Variants in TAMM41 observed in about 807,000 individuals in gnomAD.
TAMM41 encodes the protein TAM41 mitochondrial translocator assembly and maintenance homolog, also known as phosphatidate cytidylyltransferase, mitochondrial.
TAMM41 carries 36 observed loss-of-function variants against 44.1 expected under a neutral mutation model. The ratio of observed to expected loss-of-function variants is 0.82; its 90% CI spans 0.63 to 1.08. The LOEUF (loss-of-function observed/expected upper bound fraction) is 1.08. Among genes scored for constraint, TAMM41 ranks in the 50% least tolerant of loss-of-function variants. The pLI, the probability that TAMM41 is intolerant of heterozygous loss-of-function variation, is 0.00. For synonymous variants in TAMM41, 164 were observed against 153.1 expected (o/e 1.07, Z -0.53); for missense variants, 417 against 404.3 (o/e 1.03, Z -0.27).
the TAMM41 span, among the ~76,000 whole-genome samples, chr3:11,781,665 G>A: frequency 2.4e-3 from 367 of 151,864 alleles, 3 homozygotes; most frequent in African/African-American, 8.5e-3. Flanking sequence ...AACCTGGGAG[G>A]TGGAGGTTGC....
chr3:11,732,202 C>T, the TAMM41 span, among the ~76,000 whole-genome samples: 8 of 152,050 alleles, frequency 5.3e-5, no homozygotes, highest in South Asian at 1.2e-3. Context: ...TCCATGTCTC[C>T]CTTTCTTCCT....
intron 7 of TAMM41, chr3:11,807,019 T>C: frequency 4.1e-6 from 1 of 245,942 alleles, no homozygotes; most frequent in Non-Finnish European, 6.5e-6. Flanking sequence ...AAAAAGACTT[T>C]CAGACATACG....
chr3:11,785,250 G>C, the TAMM41 span, among the ~76,000 whole-genome samples: 46 of 152,300 alleles, frequency 3.0e-4, no homozygotes, highest in South Asian at 1.7e-3. Context: ...GAAGATAGGA[G>C]GAAGAGAAGT....
In TAMM41 at chr3:11,817,311, C is replaced by G; in HGVS notation, c.589G>C (p.Asp197His). 1 of 1,610,186 alleles carries G rather than the reference C, an allele frequency of 6.2e-7. No individual in the cohort carries two copies. Among genetic ancestry groups the G allele is most frequent in the Non-Finnish European group, 8.5e-7 (1 of 1,176,800 alleles). The stretch of plus-strand genomic sequence containing the variant: ...ACAATATTCAACACTTTTGTTTTAT[C>G]TTCTCCAACCACCATCCGAAAGTCA... ...SGDFRMVVGE[D>H]KTKVLNIVKP... The change falls in exon 5 of 8, where the codon GAT becomes CAT. Residue 197 changes from aspartate (D) to histidine (H), a missense_variant. Physicochemically the swap from Asp to His is moderately conservative, Grantham distance 81. Transcript: ENST00000455809.
the TAMM41 span, among the ~76,000 whole-genome samples, chr3:11,725,454 C>CCTCCTCCTCCTT: frequency 0.25 from 34,174 of 137,382 alleles, 4,900 homozygotes; most frequent in Middle Eastern, 0.35. Flanking sequence ...TCCTCCTCCT[C>CCTCCTCCTCCTT]CTTCTTCTTC....
At chr3:11,753,743 A>T in the TAMM41 span, among the ~76,000 whole-genome samples, 246 of 152,148 alleles carry the variant, frequency 1.6e-3, 2 homozygotes, top group Non-Finnish European at 2.8e-3. Context: ...TCTCAAAAAA[A>T]AAAATAAAAT....
chr3:11,768,237 A>G, the TAMM41 span, among the ~76,000 whole-genome samples: 1 of 151,984 alleles, frequency 6.6e-6, no homozygotes, highest in African/African-American at 2.4e-5. Context: ...CCAGGGCTCA[A>G]GCAATCCTCT....
chr3:11,738,689 C>G, the TAMM41 span, among the ~76,000 whole-genome samples: 1 of 152,194 alleles, frequency 6.6e-6, no homozygotes, highest in African/African-American at 2.4e-5. Flanking sequence ...ATGAATCCCA[C>G]TTTCCCCTAC....
At chr3:11,793,475 A>G (rs2077533982) in intron 7 of TAMM41, among the ~76,000 whole-genome samples, 1 of 152,204 alleles carries the variant, frequency 6.6e-6, no homozygotes, top group South Asian at 2.1e-4. Context: ...TCATCCAGGT[A>G]TTCTACCCCT....
chr3:11,722,127 G>A, the TAMM41 span, among the ~76,000 whole-genome samples: 1 of 152,166 alleles, frequency 6.6e-6, no homozygotes, highest in Non-Finnish European at 1.5e-5. Context: ...TCAGTGCGGA[G>A]GTCCTAAAGC....
intron 1 of TAMM41, among the ~76,000 whole-genome samples, chr3:11,846,172 C>G (rs543488282): frequency 6.6e-6 from 1 of 152,358 alleles, no homozygotes; most frequent in South Asian, 2.1e-4. Context: ...AAAAGCTCCC[C>G]AGAAAATTCC....
downstream of TAMM41, among the ~76,000 whole-genome samples, chr3:11,787,063 G>A (rs1181019743): frequency 1.3e-5 from 2 of 152,152 alleles, no homozygotes; most frequent in Admixed American, 6.5e-5. Context: ...GGCAATTGAT[G>A]TTGGACATCA....
intron 6 of TAMM41, chr3:11,808,374 T>C: frequency 2.0e-6 from 2 of 998,958 alleles, no homozygotes; most frequent in African/African-American, 1.7e-5. Flanking sequence ...GCCAGGATCA[T>C]GTTCAAACAA....
intron 3 of TAMM41, chr3:11,830,837 T>C (rs1360579665): frequency 6.8e-6 from 1 of 147,994 alleles, no homozygotes; most frequent in Non-Finnish European, 1.5e-5. Flanking sequence ...GCCATGATCA[T>C]GACACTACAC....
intron 7 of TAMM41, among the ~76,000 whole-genome samples, chr3:11,799,207 C>G (rs1020228161): frequency 1.2e-4 from 18 of 151,838 alleles, no homozygotes; most frequent in African/African-American, 4.4e-4. Flanking sequence ...AAAAAACAAA[C>G]GTAAAATACA....
At chr3:11,789,785 C>G (rs181734315), downstream of TAMM41, among the ~76,000 whole-genome samples, 18 of 152,322 alleles carry the variant, frequency 1.2e-4, no homozygotes, top group Admixed American at 5.9e-4. Flanking sequence ...AAGCCCACAG[C>G]CCTTGAAGCT....
chr3:11,756,755 C>T, the TAMM41 span, among the ~76,000 whole-genome samples: 2 of 151,690 alleles, frequency 1.3e-5, no homozygotes, highest in Non-Finnish European at 2.9e-5. Flanking sequence ...ATCCCAGTTA[C>T]TTGGGAGGCT....
chr3:11,761,398 G>T, the TAMM41 span, among the ~76,000 whole-genome samples: 4 of 151,914 alleles, frequency 2.6e-5, no homozygotes, highest in African/African-American at 9.7e-5. Context: ...GTTTCTAGTT[G>T]CCTCTATCCA....
the TAMM41 span, among the ~76,000 whole-genome samples, chr3:11,744,422 A>C: frequency 4.8e-3 from 735 of 151,802 alleles, 4 homozygotes; most frequent in African/African-American, 0.015. Context: ...AGCCGGGCAC[A>C]GTGGCTCACA....
Sources: gnomAD v4.1 joint callset for allele counts (sites outside exome capture counted in the v4.1 genomes callset) on GRCh38, gnomAD v4.1.1 for gene constraint, MANE v1.5 for transcripts, NCBI Gene and HGNC (gene_info 2026-07-23, HGNC 2026-07-21) for gene names.